The following FOXK2 variants were observed in gnomAD, a reference collection of about 807,000 sequenced individuals.
FOXK2 encodes forkhead box protein K2.
A neutral mutation model predicts 53.3 loss-of-function variants in FOXK2; 24 were observed. The ratio of observed to expected loss-of-function variants is 0.45; its 90% CI spans 0.33 to 0.63. FOXK2 has a LOEUF of 0.63. Ranked by LOEUF, FOXK2 falls within the 30% of genes least tolerant of loss-of-function variation. The pLI is 0.03. For synonymous variants in FOXK2, 505 were observed against 407.1 expected, an observed-to-expected ratio of 1.24 and a Z score of -2.89; for missense variants, 952 against 910.5, an observed-to-expected ratio of 1.05 and a Z score of -0.59.
chr17:82,537,774 T>C (rs1184535209), intron 1 of FOXK2, among the ~76,000 whole-genome samples: 1 of 151,426 alleles, frequency 6.6e-6, no homozygotes, highest in Non-Finnish European at 1.5e-5. Flanking sequence ...ATAAAAAAAT[T>C]AGCCGGGCGT....
chr17:82,564,412 G>A (rs1313879755), intron 2 of FOXK2, among the ~76,000 whole-genome samples: 5 of 150,844 alleles, frequency 3.3e-5, no homozygotes, highest in East Asian at 3.9e-4. Context: ...TTTGTTTTTT[G>A]TTTTTAAGAG....
intron 1 of FOXK2, among the ~76,000 whole-genome samples, chr17:82,526,397 G>A (rs148293340): frequency 6.6e-6 from 1 of 152,320 alleles, no homozygotes; most frequent in East Asian, 1.9e-4. Flanking sequence ...CTGGACATAG[G>A]GCTGGAGAAT....
Position 82,519,880 on chromosome 17 carries a change from C to G in FOXK2, c.-9C>G. The G allele has an allele frequency of 1.0e-6, 1 of 976,862 alleles. No homozygotes were observed. Among genetic ancestry groups the G allele is most frequent in the Non-Finnish European group, 1.2e-6 (1 of 825,952 alleles). The allele number at this position is 976,862 out of a possible 1,614,324, so 60.5% of individuals were successfully genotyped here. A position where few individuals can be genotyped will look rare whatever the true frequency, so the allele number is the denominator to read the frequency against. On this transcript the variant is annotated 5_prime_UTR_variant, in exon 1 of 9. Transcript: ENST00000335255. ...GCGCGGAGCGGCCCGGGGGCCCTCA[C>G]GCAGGCCCATGGCGGCGGCCGCGGC...
rs1477541242 is a variant in FOXK2, at chr17:82,563,339, G to C, written c.420-15G>C. 3 of 1,608,732 alleles carry C rather than the reference G, an allele frequency of 1.9e-6. No homozygotes were observed. The highest frequency in any genetic ancestry group is 1.7e-6 in the Non-Finnish European group (2 of 1,176,828). On this transcript the variant is annotated splice_polypyrimidine_tract_variant and intron_variant, in intron 1 of 8. Transcript: ENST00000335255. ...GAACAGCAAAAGGTGCTGATGGTGG[G>C]CTTTTCTTTTCCAGGTGCACATTCA... is the stretch of plus-strand genomic sequence containing the variant.
intron 1 of FOXK2, among the ~76,000 whole-genome samples, chr17:82,548,466 C>T (rs754445237): frequency 3.7e-4 from 57 of 152,196 alleles, no homozygotes; most frequent in South Asian, 1.2e-3. Flanking sequence ...AGTGAATGAC[C>T]ATTTTTAATG....
At chr17:82,577,556 G>T (rs1381875061) in intron 4 of FOXK2, among the ~76,000 whole-genome samples, 1 of 152,096 alleles carries the variant, frequency 6.6e-6, no homozygotes, top group African/African-American at 2.4e-5. Flanking sequence ...GGGCCCCGCC[G>T]GGCCCTCTGT....
rs572322306 is a variant in FOXK2, at chr17:82,555,751, G to C, written c.420-7603G>C. On this transcript the variant is annotated intron_variant, in intron 1 of 8. Coordinates refer to ENST00000335255, the MANE Select transcript of FOXK2 (RefSeq NM_004514.4). ...TACAAAAAAAAAAAAAAATTGGCGTGGGGGCGGGCGCCTGTAGTCCCAGCT... is the reference window on the plus strand; with the variant it reads ...TACAAAAAAAAAAAAAAATTGGCGTCGGGGCGGGCGCCTGTAGTCCCAGCT... 2.1e-4 allele frequency among the ~76,000 whole-genome samples: 32 copies of C among 150,958 alleles called. No homozygotes were observed. The East Asian group carries it at 5.9e-3, about 28-fold the overall frequency.
intron 6 of FOXK2, 50 bp from the exon 7 acceptor site, chr17:82,585,838 GTGTGAGAACCTTTGTT>G: frequency 6.6e-7 from 1 of 1,518,678 alleles, no homozygotes; most frequent in South Asian, 1.2e-5. Flanking sequence ...TCAGTGCTGA[GTGTGAGAACCTTTGTT>G]TGTAGAAGTC....
chr17:82,587,920 A>G (rs1406089225), intron 8 of FOXK2, among the ~76,000 whole-genome samples: 2 of 152,104 alleles, frequency 1.3e-5, no homozygotes, highest in Non-Finnish European at 1.5e-5. Context: ...TGTGTGGCTG[A>G]TCCTGGCGCT....
At chr17:82,553,095 C>T (rs953848048) in intron 1 of FOXK2, among the ~76,000 whole-genome samples, 3 of 152,168 alleles carry the variant, frequency 2.0e-5, no homozygotes, top group East Asian at 3.8e-4. Flanking sequence ...GCCACCACAC[C>T]TGGCTGATTT....
chr17:82,601,097 C>T, intron 8 of FOXK2: 1 of 537,200 alleles, frequency 1.9e-6, no homozygotes, highest in Non-Finnish European at 3.3e-6. Context: ...CCAGCCCAGG[C>T]TCCTGTGCCC....
chr17:82,581,467 T>C (rs1330583987), intron 4 of FOXK2, among the ~76,000 whole-genome samples: 1 of 143,732 alleles, frequency 7.0e-6, no homozygotes. Flanking sequence ...GCCCGGATGA[T>C]TTTTGTGTGG....
chr17:82,520,175 C>G lies in FOXK2; in HGVS notation c.287C>G (p.Pro96Arg). The G allele has an allele frequency of 6.8e-7, 1 of 1,467,670 alleles. No individual in the cohort carries two copies. Among genetic ancestry groups the G allele is most frequent in the East Asian group, 2.9e-5 (1 of 34,848 alleles). The allele number at this position is 1,467,670 out of a possible 1,614,324, so 90.9% of individuals were successfully genotyped here. The change falls in exon 1 of 9, where the codon CCG becomes CGG. Residue 96 changes from proline (P) to arginine (R), a missense_variant. Pro to Arg is a moderately radical substitution (Grantham distance 103). Around this residue, in one of 5 missense-constraint regions of FOXK2, gnomAD observed 163 missense variants for 165.5 expected, o/e 0.98. Coordinates refer to ENST00000335255, the MANE Select transcript of FOXK2 (RefSeq NM_004514.4). ...GGCGGCGGCCATGGCGGGGCCGCTCCGGAGCTGCCGCCCGCGCAGCCCAGG... is the reference window on the plus strand; with the variant it reads ...GGCGGCGGCCATGGCGGGGCCGCTCGGGAGCTGCCGCCCGCGCAGCCCAGG... Reference protein sequence around the residue: ...PGGGGHGGAAPELPPAQPRPD... With the variant: ...PGGGGHGGAARELPPAQPRPD...
Position 82,548,730 on chromosome 17 carries a change from A to G in FOXK2, c.420-14624A>G, listed in dbSNP as rs571769694. On this transcript the variant is annotated intron_variant, in intron 1 of 8. Coordinates refer to ENST00000335255, the MANE Select transcript of FOXK2 (RefSeq NM_004514.4). ...GCTGTGGACTGAATAGAGGAAGGAA[A>G]GGACCCAGGCGCTGTCCCACAGCCT... Among the ~76,000 whole-genome samples the G allele has an allele frequency of 3.7e-4, 56 of 152,358 alleles. 1 individual carries two copies. The highest frequency in any genetic ancestry group is 1.3e-3 in the African/African-American group (56 of 41,588).
intron 1 of FOXK2, among the ~76,000 whole-genome samples, chr17:82,547,096 GGAGA>G (rs2044633881): frequency 6.7e-6 from 1 of 150,056 alleles, no homozygotes; most frequent in African/African-American, 2.5e-5. Flanking sequence ...AAAAAAGGAA[GGAGA>G]AAGAAAGAAA....
At chr17:82,524,292 T>C (rs1014390947) in intron 1 of FOXK2, among the ~76,000 whole-genome samples, 3 of 152,248 alleles carry the variant, frequency 2.0e-5, no homozygotes, top group Admixed American at 2.0e-4. Context: ...GGTCTCTTAT[T>C]TGAACCACAA....
At position 82,596,018 on chromosome 17, in the gene FOXK2, C is replaced by A. The variant is rs544173800; in HGVS notation, c.1787-5285C>A. 1.7e-5 allele frequency: 19 copies of A among 1,151,470 alleles called. No homozygotes were observed. The South Asian group carries it at 3.0e-4, about 18-fold the overall frequency. 71.3% of individuals were successfully genotyped at this position (1,151,470 alleles called of 1,614,324 possible). A position where few individuals can be genotyped will look rare whatever the true frequency, so the allele number is the denominator to read the frequency against. ...GAAAGGCCACTGGAAACCAGAGTCA[C>A]ACTGCGCGTCTGTGCATCTCTGGCC... On this transcript the variant is annotated intron_variant, in intron 8 of 8. Transcript: ENST00000335255.
intron 4 of FOXK2, among the ~76,000 whole-genome samples, chr17:82,575,885 G>C (rs2044976362): frequency 6.6e-6 from 1 of 152,212 alleles, no homozygotes; most frequent in Non-Finnish European, 1.5e-5. Flanking sequence ...ACAGAGGGTG[G>C]CGGCGGGTTC....
At chr17:82,544,537 CCAGCACTGCGT>C (rs1478836093) in intron 1 of FOXK2, among the ~76,000 whole-genome samples, 1 of 152,126 alleles carries the variant, frequency 6.6e-6, no homozygotes, top group Non-Finnish European at 1.5e-5. Context: ...TTTCTTATTC[CCAGCACTGCGT>C]CATCCAACAT....
Sources: allele counts gnomAD v4.1 joint callset (sites outside exome capture counted in the v4.1 genomes callset), GRCh38; gene constraint gnomAD v4.1.1; regional missense constraint gnomAD v4.1.1; transcripts MANE v1.5; gene names NCBI Gene and HGNC (gene_info 2026-07-23, HGNC 2026-07-21).